Variants in CXCR5 observed in about 807,000 individuals in gnomAD.
CXCR5 encodes the protein C-X-C chemokine receptor type 5.
A neutral mutation model predicts 5.6 loss-of-function variants in CXCR5; 3 were observed. The ratio of observed to expected loss-of-function variants is 0.54; its 90% CI spans 0.24 to 1.39. The LOEUF (loss-of-function observed/expected upper bound fraction) is 1.39, where lower values mean the gene tolerates loss of function less well. CXCR5 is among the 40% of genes most tolerant of loss of function. The probability of loss-of-function intolerance (pLI) is 0.16; values close to 1 mark genes in which losing one functional copy is unlikely to be tolerated. For synonymous variants in CXCR5, 218 were observed against 219.9 expected (o/e 0.99, Z 0.08); for missense variants, 333 against 494.6 (o/e 0.67, Z 3.10).
chr11:118,896,222 C>G lies in CXCR5; in HGVS notation c.*1559C>G, dbSNP rs1024403064. The stretch of plus-strand genomic sequence containing the variant: ...CAGCACAGAGACCCCCGGAACAAGC[C>G]TAAAAATTGTTTCAAAATAAAAACC... On this transcript the variant is annotated 3_prime_UTR_variant, in exon 2 of 2. Transcript: ENST00000292174. The G allele has an allele frequency of 6.0e-6, 1 of 166,646 alleles. No individual in the cohort carries two copies. Among genetic ancestry groups the G allele is most frequent in the East Asian group, 1.9e-4 (1 of 5,186 alleles). 10.3% of individuals were successfully genotyped at this position (166,646 alleles called of 1,614,324 possible).
chr11:118,893,561 T>C lies in CXCR5; in HGVS notation c.52-35T>C. On this transcript the variant is annotated intron_variant, in intron 1 of 1. Transcript: ENST00000292174. The surrounding 1 kb of genome is among the most constrained non-coding windows in gnomAD (Gnocchi z 5.7). ...CTCTCAGAGAGGAAAGACAGGTCCT[T>C]AGGTCCTCACCCTCCCGTCTCCTTG... 2 of 1,536,360 alleles carry C rather than the reference T, an allele frequency of 1.3e-6. No homozygotes were observed. The highest frequency in any genetic ancestry group is 1.8e-6 in the Non-Finnish European group (2 of 1,138,870).
At position 118,893,558 on chromosome 11, in the gene CXCR5, C is replaced by T; in HGVS notation, c.52-38C>T. ...TTCCTCTCAGAGAGGAAAGACAGGT[C>T]CTTAGGTCCTCACCCTCCCGTCTCC... is the stretch of plus-strand genomic sequence containing the variant. On this transcript the variant is annotated intron_variant, in intron 1 of 1. Coordinates refer to ENST00000292174, the MANE Select transcript of CXCR5 (RefSeq NM_001716.5). This position sits in a 1 kb window ranked among gnomAD's most constrained non-coding sequence, Gnocchi z 5.7. 6.5e-7 allele frequency: 1 copy of T among 1,535,052 alleles called. No homozygotes were observed. The highest frequency in any genetic ancestry group is 8.8e-7 in the Non-Finnish European group (1 of 1,138,294).
intron 1 of CXCR5, among the ~76,000 whole-genome samples, chr11:118,884,407 A>T (rs2137649049): frequency 6.6e-6 from 1 of 152,324 alleles, no homozygotes; most frequent in Middle Eastern, 3.4e-3. Flanking sequence ...ATGAATGCAT[A>T]GCTGTTCGTC....
In CXCR5 at chr11:118,894,757, C is replaced by T. The variant is rs748400314; in HGVS notation, c.*94C>T. ...AGGAGCTGGGATCCTAAGGGCTCAC[C>T]GTGGCTAAGAGTGTCCTAGGAGTAT... On this transcript the variant is annotated 3_prime_UTR_variant, in exon 2 of 2. Coordinates refer to ENST00000292174, the MANE Select transcript of CXCR5 (RefSeq NM_001716.5). The surrounding 1 kb of genome is among the most constrained non-coding windows in gnomAD (Gnocchi z 6.1). 1 of 1,310,446 alleles carries T rather than the reference C, an allele frequency of 7.6e-7. No homozygotes were observed. The highest frequency in any genetic ancestry group is 1.0e-6 in the Non-Finnish European group (1 of 976,106). 81.2% of individuals were successfully genotyped at this position (1,310,446 alleles called of 1,614,324 possible). A position where few individuals can be genotyped will look rare whatever the true frequency, so the allele number is the denominator to read the frequency against.
chr11:118,885,237 C>G (rs76109832), intron 1 of CXCR5, among the ~76,000 whole-genome samples: 39 of 152,242 alleles, frequency 2.6e-4, no homozygotes, highest in African/African-American at 9.1e-4. Flanking sequence ...CGGATCCAAA[C>G]CGTAGGTGGA....
In CXCR5 at chr11:118,893,133, CA is replaced by C. The variant is rs1939838640; in HGVS notation, c.52-462del. ...GGAAGACCCATGAGGAGGGAGCCCA[CA>C]GGCCAAGTCAGCACCCGCCCGCCCC... On this transcript the variant is annotated intron_variant, in intron 1 of 1. Coordinates refer to ENST00000292174, the MANE Select transcript of CXCR5 (RefSeq NM_001716.5). The surrounding 1 kb of genome is among the most constrained non-coding windows in gnomAD (Gnocchi z 5.7). Among the ~76,000 whole-genome samples, 5 of 152,324 alleles carry C rather than the reference CA, an allele frequency of 3.3e-5. No homozygotes were observed. Among genetic ancestry groups the C allele is most frequent in the African/African-American group, 9.6e-5 (4 of 41,576 alleles).
chr11:118,894,797 G>C lies in CXCR5; in HGVS notation c.*134G>C, dbSNP rs1181688936. 1.2e-6 allele frequency: 1 copy of C among 837,852 alleles called. No individual in the cohort carries two copies. The highest frequency in any genetic ancestry group is 1.7e-6 in the Non-Finnish European group (1 of 592,372). The allele number at this position is 837,852 out of a possible 1,614,324, so 51.9% of individuals were successfully genotyped here. A position where few individuals can be genotyped will look rare whatever the true frequency, so the allele number is the denominator to read the frequency against. Reference sequence around the variant, plus strand: ...CCTAGGAGTATCCTCATTTGGGGTAGCTAGAGGAACCAACCCCCATTTCTA... The same window carrying C: ...CCTAGGAGTATCCTCATTTGGGGTACCTAGAGGAACCAACCCCCATTTCTA... On this transcript the variant is annotated 3_prime_UTR_variant, in exon 2 of 2. Transcript: ENST00000292174. This position sits in a 1 kb window ranked among gnomAD's most constrained non-coding sequence, Gnocchi z 6.1.
Position 118,894,036 on chromosome 11 carries a change from C to G in CXCR5, c.492C>G (p.Leu164=), listed in dbSNP as rs144978847. 122 of 1,614,018 alleles carry G rather than the reference C, an allele frequency of 7.6e-5. No individual in the cohort carries two copies. In the African/African-American group the frequency reaches 1.5e-3, roughly 19 times the overall value. Residue 164 remains leucine (L), a synonymous_variant, in exon 2 of 2, where the codon CTC becomes CTG. Transcript: ENST00000292174. The surrounding 1 kb of genome is among the most constrained non-coding windows in gnomAD (Gnocchi z 6.1). ...AVHAYRHRRL[L]SIHITCGTIW... is the part of the protein sequence containing the mutation. The stretch of plus-strand genomic sequence containing the variant: ...ATGCCTACCGCCACCGCCGCCTCCT[C>G]TCCATCCACATCACCTGTGGGACCA...
At position 118,894,273 on chromosome 11, in the gene CXCR5, C is replaced by G. The variant is rs182696451; in HGVS notation, c.729C>G (p.His243Gln). The G allele has an allele frequency of 9.9e-6, 16 of 1,614,078 alleles. No homozygotes were observed. Among genetic ancestry groups the G allele is most frequent in the Non-Finnish European group, 1.4e-5 (16 of 1,180,036 alleles). Residue 243 changes from histidine to glutamine, a missense_variant, in exon 2 of 2, where the codon CAC becomes CAG. His to Gln is a conservative substitution (Grantham distance 24). Coordinates refer to ENST00000292174, the MANE Select transcript of CXCR5 (RefSeq NM_001716.5). The surrounding 1 kb of genome is among the most constrained non-coding windows in gnomAD (Gnocchi z 6.1). Reference protein sequence around the residue: ...VMGWCYVGVVHRLRQAQRRPQ... With the variant: ...VMGWCYVGVVQRLRQAQRRPQ... ...GCTGGTGCTACGTGGGGGTAGTGCACAGGTTGCGCCAGGCCCAGCGGCGCC... is the reference window on the plus strand; with the variant it reads ...GCTGGTGCTACGTGGGGGTAGTGCAGAGGTTGCGCCAGGCCCAGCGGCGCC...
At position 118,894,988 on chromosome 11, in the gene CXCR5, ACTT is replaced by A. The variant is rs1302455000; in HGVS notation, c.*328_*330del. ...CTAATCATCCAATGCTCAAGAAACAACTTCTACTTCTGCCCTTGCCAACGGAGA... is the reference window on the plus strand; with the variant it reads ...CTAATCATCCAATGCTCAAGAAACAACTACTTCTGCCCTTGCCAACGGAGA... On this transcript the variant is annotated 3_prime_UTR_variant, in exon 2 of 2. Transcript: ENST00000292174. This position sits in a 1 kb window ranked among gnomAD's most constrained non-coding sequence, Gnocchi z 6.1. 1.5e-5 allele frequency: 4 copies of A among 273,146 alleles called. No homozygotes were observed. In the East Asian group the frequency reaches 2.8e-4, roughly 19 times the overall value. 16.9% of individuals were successfully genotyped at this position (273,146 alleles called of 1,614,324 possible).
chr11:118,891,279 C>A (rs957879891), intron 1 of CXCR5, among the ~76,000 whole-genome samples: 1 of 152,110 alleles, frequency 6.6e-6, no homozygotes, highest in Non-Finnish European at 1.5e-5. Context: ...CTGGGAGCCA[C>A]TGTGCCCAGG....
chr11:118,891,537 C>G (rs1013845208), intron 1 of CXCR5, among the ~76,000 whole-genome samples: 8 of 151,948 alleles, frequency 5.3e-5, no homozygotes, highest in African/African-American at 1.9e-4. Context: ...AACATGATCA[C>G]AAATATGACT....
At position 118,897,303 on chromosome 11, in the gene CXCR5, T is replaced by C. The variant is rs1413521191; in HGVS notation, c.*2640T>C. ...CAGTGGCACCATGCCACCCCTTCCA[T>C]GGCTCCACTCAAGGGGGCCACACAG... On this transcript the variant is annotated 3_prime_UTR_variant, in exon 2 of 2. Coordinates refer to ENST00000292174, the MANE Select transcript of CXCR5 (RefSeq NM_001716.5). The C allele has an allele frequency of 6.0e-6, 1 of 167,540 alleles. No individual in the cohort carries two copies. The highest frequency in any genetic ancestry group is 1.3e-5 in the Non-Finnish European group (1 of 76,338). The allele number at this position is 167,540 out of a possible 1,614,324, so 10.4% of individuals were successfully genotyped here.
chr11:118,884,356 G>T (rs192795595), intron 1 of CXCR5, among the ~76,000 whole-genome samples: 3 of 152,292 alleles, frequency 2.0e-5, no homozygotes, highest in African/African-American at 7.2e-5. Context: ...GTACTTTGGA[G>T]GTTTTCTTAC....
intron 1 of CXCR5, among the ~76,000 whole-genome samples, chr11:118,889,103 C>T (rs954688918): frequency 2.6e-5 from 4 of 152,182 alleles, no homozygotes; most frequent in African/African-American, 4.8e-5. Context: ...CCTTACACCC[C>T]CCACCTCCCG....
In CXCR5 at chr11:118,897,736, G is replaced by T. The variant is rs1000670131; in HGVS notation, c.*3073G>T. The T allele has an allele frequency of 2.2e-5, 10 of 448,790 alleles. No individual in the cohort carries two copies. The highest frequency in any genetic ancestry group is 1.1e-4 in the South Asian group (7 of 63,698). 27.8% of individuals were successfully genotyped at this position (448,790 alleles called of 1,614,324 possible). On this transcript the variant is annotated 3_prime_UTR_variant, in exon 2 of 2. Transcript: ENST00000292174. ...TGGAGGGAGCAATAACTTGAAGAAG[G>T]GGGGAAGGGTTTCTTTTATCCTTTT...
In CXCR5 at chr11:118,894,299, C is replaced by T; in HGVS notation, c.755C>T (p.Pro252Leu). The T allele has an allele frequency of 6.2e-7, 1 of 1,614,178 alleles. No homozygotes were observed. The highest frequency in any genetic ancestry group is 8.5e-7 in the Non-Finnish European group (1 of 1,180,046). ...VHRLRQAQRR[P>L]QRQKAVRVAI... ...AGGTTGCGCCAGGCCCAGCGGCGCC[C>T]TCAGCGGCAGAAGGCAGTCAGGGTG... Residue 252 changes from proline (P) to leucine (L), a missense_variant, in exon 2 of 2, where the codon CCT (proline) becomes CTT (leucine). By Grantham distance (98) the Pro-to-Leu change is moderately conservative (BLOSUM62 -3). Coordinates refer to ENST00000292174, the MANE Select transcript of CXCR5 (RefSeq NM_001716.5). The surrounding 1 kb of genome is among the most constrained non-coding windows in gnomAD (Gnocchi z 6.1).
At chr11:118,888,919 A>G (rs1039913222) in intron 1 of CXCR5, among the ~76,000 whole-genome samples, 8 of 152,092 alleles carry the variant, frequency 5.3e-5, no homozygotes, top group Admixed American at 5.2e-4. Flanking sequence ...CCATTAGCAA[A>G]TGTGAGCTGA....
intron 1 of CXCR5, among the ~76,000 whole-genome samples, chr11:118,885,560 T>C (rs774268415): frequency 6.6e-5 from 10 of 152,210 alleles, no homozygotes; most frequent in Non-Finnish European, 1.3e-4. Flanking sequence ...CTCGCCTGAT[T>C]AGGTTACTGG....
Sources: gnomAD v4.1 joint callset for allele counts (sites outside exome capture counted in the v4.1 genomes callset) on GRCh38, gnomAD v4.1.1 for gene constraint, Gnocchi (gnomAD v3.1) non-coding constraint, MANE v1.5 for transcripts, NCBI Gene and HGNC (gene_info 2026-07-23, HGNC 2026-07-21) for gene names.